Variants in HDX observed in about 807,000 individuals in gnomAD.
HDX encodes chromosome X open reading frame 43.
A neutral mutation model predicts 45.2 loss-of-function variants in HDX; 19 were observed. That is an observed-to-expected ratio of 0.42 (90% CI 0.29 to 0.62). The LOEUF is 0.62. HDX is among the 20% of genes least tolerant of loss of function. HDX has a pLI of 0.20. For synonymous variants in HDX, 188 were observed against 172.8 expected, an observed-to-expected ratio of 1.09 and a Z score of -0.69; for missense variants, 532 against 493.9, an observed-to-expected ratio of 1.08 and a Z score of -0.73.
At chrX:84,370,173 T>C (rs1175471758) in intron 5 of HDX, among the ~76,000 whole-genome samples, 1 of 112,094 alleles carries the variant, frequency 8.9e-6, no homozygotes, top group East Asian at 2.8e-4. Flanking sequence ...ACTCGTGTTT[T>C]CTATCCTTTG....
intron 5 of HDX, among the ~76,000 whole-genome samples, chrX:84,377,547 A>G (rs1275534027): frequency 9.0e-6 from 1 of 111,611 alleles, no homozygotes; most frequent in Non-Finnish European, 1.9e-5. Flanking sequence ...TAACAAAGAT[A>G]CTGAAATAAT....
At chrX:84,491,820 T>A (rs1449157529) in intron 1 of HDX, among the ~76,000 whole-genome samples, 1 of 111,517 alleles carries the variant, frequency 9.0e-6, no homozygotes, top group Non-Finnish European at 1.9e-5. Flanking sequence ...TGAAATATGA[T>A]GTTTTCCAAT....
intron 6 of HDX, among the ~76,000 whole-genome samples, chrX:84,351,521 A>G (rs2037360382): frequency 9.0e-6 from 1 of 111,118 alleles, no homozygotes; most frequent in Admixed American, 9.6e-5. Flanking sequence ...TAAAGAAGTC[A>G]TTATCTAAAC....
intron 2 of HDX, among the ~76,000 whole-genome samples, chrX:84,479,210 C>T (rs1192777504): frequency 2.7e-5 from 3 of 111,448 alleles, no homozygotes; most frequent in Non-Finnish European, 5.6e-5. Context: ...AAAAATTTCC[C>T]TTATGCTGCC....
At chrX:84,363,381 T>C (rs2037667656) in intron 5 of HDX, among the ~76,000 whole-genome samples, 1 of 112,152 alleles carries the variant, frequency 8.9e-6, no homozygotes, top group South Asian at 3.7e-4. Flanking sequence ...TATTTTCCTT[T>C]ACATCATATT....
intron 7 of HDX, among the ~76,000 whole-genome samples, chrX:84,339,499 T>G (rs1010736919): frequency 9.0e-6 from 1 of 111,406 alleles, no homozygotes; most frequent in Non-Finnish European, 1.9e-5. Context: ...TTTGGAAGAT[T>G]AAAATTAAAA....
intron 5 of HDX, among the ~76,000 whole-genome samples, chrX:84,383,131 C>CCTAAT (rs1379744379): frequency 1.1e-4 from 12 of 110,858 alleles, no homozygotes; most frequent in African/African-American, 3.6e-4. Context: ...TCCTGGCCTT[C>CCTAAT]CTAATCTACC....
chrX:84,486,095 C>T (rs1382513650), intron 2 of HDX, among the ~76,000 whole-genome samples: 1 of 111,718 alleles, frequency 9.0e-6, no homozygotes, highest in African/African-American at 3.2e-5. Context: ...TTCTGTTTGT[C>T]CCTCTGACAT....
chrX:84,374,003 G>C (rs1245511679), intron 5 of HDX, among the ~76,000 whole-genome samples: 5 of 108,720 alleles, frequency 4.6e-5, no homozygotes, highest in African/African-American at 1.7e-4. Flanking sequence ...TGTATATCTA[G>C]AAAACCCCAT....
intron 5 of HDX, among the ~76,000 whole-genome samples, chrX:84,412,050 G>C (rs1363178191): frequency 9.0e-6 from 1 of 111,308 alleles, no homozygotes; most frequent in Non-Finnish European, 1.9e-5. Flanking sequence ...TTGAGCCTAT[G>C]GGTGTCATTG....
intron 4 of HDX, among the ~76,000 whole-genome samples, chrX:84,458,808 T>G (rs1453707379): frequency 8.9e-6 from 1 of 111,735 alleles, no homozygotes; most frequent in Non-Finnish European, 1.9e-5. Context: ...AACTGTTTAT[T>G]GCAAAATATA....
At chrX:84,365,954 A>G (rs1055701127) in intron 5 of HDX, among the ~76,000 whole-genome samples, 13 of 111,975 alleles carry the variant, frequency 1.2e-4, no homozygotes, top group Non-Finnish European at 2.3e-4. Context: ...CACCACTCCA[A>G]TTCAACATAG....
In HDX at chrX:84,365,926, A is replaced by G. The variant is rs756799916; in HGVS notation, c.1306-4314T>C. On this transcript the variant is annotated intron_variant, in intron 5 of 10. Coordinates refer to ENST00000373177, the MANE Select transcript of HDX (RefSeq NM_001177479.2). ...GCATTCCCTTTGAAAACTGGCACAA[A>G]GCAAGGATGCCCTCTCTCACCACTC... 2.5e-3 allele frequency among the ~76,000 whole-genome samples: 284 copies of G among 112,159 alleles called. 2 individuals are homozygous for G. Among genetic ancestry groups the G allele is most frequent in the African/African-American group, 8.9e-3 (275 of 30,905 alleles).
chrX:84,474,001 A>G lies in HDX; in HGVS notation c.147+1250T>C, dbSNP rs1182539895. Among the ~76,000 whole-genome samples, 4 of 112,649 alleles carry G rather than the reference A, an allele frequency of 3.6e-5. No individual in the cohort carries two copies. The East Asian group carries it at 1.1e-3, about 31-fold the overall frequency. ...ATTGGTCTCAGCAAATAAGAAACAG[A>G]TATCCTGGGCCGGGCGCGGTGGCTC... On this transcript the variant is annotated intron_variant, in intron 3 of 10. Transcript: ENST00000373177.
intron 6 of HDX, among the ~76,000 whole-genome samples, chrX:84,359,165 T>G (rs1049529599): frequency 3.6e-5 from 4 of 111,539 alleles, no homozygotes; most frequent in African/African-American, 1.3e-4. Context: ...GATTGATCAG[T>G]ATAATTTTTA....
intron 4 of HDX, among the ~76,000 whole-genome samples, chrX:84,449,779 G>T (rs12686865): frequency 9.0e-6 from 1 of 111,626 alleles, no homozygotes; most frequent in Non-Finnish European, 1.9e-5. Flanking sequence ...CAATGTTACC[G>T]TTACAGAAAA....
At chrX:84,474,489 A>C (rs2040511426) in intron 3 of HDX, among the ~76,000 whole-genome samples, 1 of 111,703 alleles carries the variant, frequency 9.0e-6, no homozygotes, top group South Asian at 3.7e-4. Context: ...TTAAGAACAG[A>C]CATCCTTTCT....
chrX:84,338,386 C>T (rs1234446996), intron 7 of HDX, among the ~76,000 whole-genome samples: 1 of 110,322 alleles, frequency 9.1e-6, no homozygotes, highest in Non-Finnish European at 1.9e-5. Flanking sequence ...CACACACACA[C>T]ATATATAAAT....
chrX:84,469,506 T>C lies in HDX; in HGVS notation c.217A>G (p.Thr73Ala), dbSNP rs1360735532. 1 of 1,207,270 alleles carries C rather than the reference T, an allele frequency of 8.3e-7. No individual in the cohort carries two copies. ...NSESGTATTG[T>A]SLSAPDITVR... ...GTGATGTCTGGAGCTGACAAAGAGG[T>C]TCCTGTTGTTGCTGTTCCAGATTCA... The change falls in exon 4 of 11, where the codon ACC becomes GCC. Residue 73 changes from threonine (T) to alanine (A), a missense_variant. Transcript: ENST00000373177.
Sources: gnomAD v4.1 joint callset for allele counts (sites outside exome capture counted in the v4.1 genomes callset) on GRCh38, gnomAD v4.1.1 for gene constraint, MANE v1.5 for transcripts, NCBI Gene and HGNC (gene_info 2026-07-23, HGNC 2026-07-21) for gene names.